Variants in ZNF276 observed in about 807,000 individuals in gnomAD.
ZNF276 encodes centromere protein Z.
A neutral mutation model predicts 63.9 loss-of-function variants in ZNF276; 59 were observed. The ratio of observed to expected loss-of-function variants is 0.92; its 90% CI spans 0.75 to 1.15. The LOEUF is 1.15. Ranked by LOEUF, ZNF276 falls within the 50% of genes most tolerant of loss-of-function variation. ZNF276 has a pLI of 0.00. For missense variants in ZNF276, 1,084 were observed against 843.8 expected, an observed-to-expected ratio of 1.28 and a Z score of -3.53; for synonymous variants, 496 against 348.4, an observed-to-expected ratio of 1.42 and a Z score of -4.72.
At position 89,723,377 on chromosome 16, in the gene ZNF276, G is replaced by A. The variant is rs1460938810; in HGVS notation, c.674G>A (p.Cys225Tyr). The stretch of plus-strand genomic sequence containing the variant: ...CAGAGGACACTGTCCTCCGAGTACT[G>A]CGGCGTCATCCAGGTCGTGTGGGGC... The part of the protein sequence containing the change: ...HLQRTLSSEY[C>Y]GVIQVVWGCD... The change falls in exon 4 of 11, where the codon TGC becomes TAC. Residue 225 changes from cysteine (C) to tyrosine (Y), a missense_variant. Transcript: ENST00000443381. 3 of 1,613,048 alleles carry A rather than the reference G, an allele frequency of 1.9e-6. No homozygotes were observed. Among genetic ancestry groups the A allele is most frequent in the South Asian group, 1.1e-5 (1 of 91,088 alleles).
intron 4 of ZNF276, among the ~76,000 whole-genome samples, chr16:89,724,453 C>G (rs2061406280): frequency 6.6e-6 from 1 of 152,186 alleles, no homozygotes; most frequent in Non-Finnish European, 1.5e-5. Flanking sequence ...TCAAGACCAA[C>G]CTGGCCAACA....
intron 7 of ZNF276, 24 bp from the exon 8 acceptor site, chr16:89,733,457 GC>G: frequency 6.2e-7 from 1 of 1,614,110 alleles, no homozygotes; most frequent in Non-Finnish European, 8.5e-7. Context: ...CGGGGCCGGG[GC>G]TCCATGCATG....
In ZNF276 at chr16:89,738,944, G is replaced by C; in HGVS notation, c.*698G>C. ...GGTATTAACTGCAGCAGAAAAAGAC[G>C]AGCTTTTGTTATCAGTTCCACGGGG... On this transcript the variant is annotated 3_prime_UTR_variant, in exon 11 of 11. Transcript: ENST00000443381. 1 of 1,614,254 alleles carries C rather than the reference G, an allele frequency of 6.2e-7. No homozygotes were observed. The highest frequency in any genetic ancestry group is 8.5e-7 in the Non-Finnish European group (1 of 1,180,052).
Position 89,721,814 on chromosome 16 carries a change from G to A in ZNF276, c.174G>A (p.Gly58=), listed in dbSNP as rs965186761. The change falls in exon 1 of 11, where the codon GGG becomes GGA. Residue 58 remains glycine (G), a synonymous_variant. Coordinates refer to ENST00000443381, the MANE Select transcript of ZNF276 (RefSeq NM_001113525.2). ...CCTGGGGCCCGGTGGGGTCCTGCGGGGACGCGGGCGAGGACGGCGCGGACG... is the reference window on the plus strand; with the variant it reads ...CCTGGGGCCCGGTGGGGTCCTGCGGAGACGCGGGCGAGGACGGCGCGGACG... ...RRAWGPVGSC[G]DAGEDGADEA... 11 of 1,234,266 alleles carry A rather than the reference G, an allele frequency of 8.9e-6. No individual in the cohort carries two copies. Among genetic ancestry groups the A allele is most frequent in the African/African-American group, 3.1e-5 (2 of 63,806 alleles). 76.5% of individuals were successfully genotyped at this position (1,234,266 alleles called of 1,614,324 possible).
rs1473348484 is a variant in ZNF276, at chr16:89,738,489, A to G, written c.*243A>G. 8 of 1,525,794 alleles carry G rather than the reference A, an allele frequency of 5.2e-6. No individual in the cohort carries two copies. In the South Asian group the frequency reaches 5.7e-5, roughly 11 times the overall value. 94.5% of individuals were successfully genotyped at this position (1,525,794 alleles called of 1,614,324 possible). ...TAAATAATTGATTCCTTTCCCCACT[A>G]AAGCAGTCGAGGAGATTTGTAATCC... On this transcript the variant is annotated 3_prime_UTR_variant, in exon 11 of 11. Transcript: ENST00000443381.
At chr16:89,722,430 G>A in intron 1 of ZNF276, 101 bp from the exon 2 acceptor site, 1 of 1,376,158 alleles carries the variant, frequency 7.3e-7, no homozygotes, top group East Asian at 2.3e-5. Context: ...GGAGCCGCGC[G>A]AAGGGCGCTG....
At chr16:89,724,268 G>A (rs1195568106) in intron 4 of ZNF276, among the ~76,000 whole-genome samples, 1 of 152,182 alleles carries the variant, frequency 6.6e-6, no homozygotes, top group Non-Finnish European at 1.5e-5. Flanking sequence ...TGTTTTAGGA[G>A]GGCCAGGGCC....
Position 89,740,793 on chromosome 16 carries a change from G to T in ZNF276, c.*2547G>T. On this transcript the variant is annotated 3_prime_UTR_variant, in exon 11 of 11. Transcript: ENST00000443381. ...GGGAGAGGACACCTTGGCTGGTAAG[G>T]TCTGACTTACATTTGAGGTCAGATG... 1 of 1,612,252 alleles carries T rather than the reference G, an allele frequency of 6.2e-7. No individual in the cohort carries two copies.
At position 89,739,767 on chromosome 16, in the gene ZNF276, G is replaced by A. The variant is rs1039048298; in HGVS notation, c.*1521G>A. The A allele has an allele frequency of 2.7e-6, 4 of 1,477,230 alleles. No homozygotes were observed. The highest frequency in any genetic ancestry group is 3.6e-6 in the Non-Finnish European group (4 of 1,117,582). The allele number at this position is 1,477,230 out of a possible 1,614,324, so 91.5% of individuals were successfully genotyped here. ...CTTGCAGGAGGGTGGGTGTGGTGCA[G>A]AGAGAGGCAGTCCCCATGATAGGCC... On this transcript the variant is annotated 3_prime_UTR_variant, in exon 11 of 11. Transcript: ENST00000443381.
At chr16:89,725,033 C>A (rs955190827) in intron 4 of ZNF276, among the ~76,000 whole-genome samples, 9 of 152,254 alleles carry the variant, frequency 5.9e-5, no homozygotes, top group Admixed American at 3.3e-4. Flanking sequence ...GCTACCTCAG[C>A]CTCCCGAGTA....
chr16:89,736,331 AT>A (rs754681240), intron 9 of ZNF276, among the ~76,000 whole-genome samples: 199 of 134,986 alleles, frequency 1.5e-3, no homozygotes, highest in East Asian at 6.3e-3. Context: ...CCAGCCCCCA[AT>A]TTTTTTTTTT....
chr16:89,730,565 C>T (rs1278553284), intron 6 of ZNF276, among the ~76,000 whole-genome samples: 2 of 152,212 alleles, frequency 1.3e-5, no homozygotes, highest in Admixed American at 1.3e-4. Context: ...ACTAGTCCCT[C>T]TGGGACCCCA....
chr16:89,730,148 A>G (rs1480928147), intron 6 of ZNF276, among the ~76,000 whole-genome samples: 2 of 152,198 alleles, frequency 1.3e-5, no homozygotes, highest in East Asian at 1.9e-4. Flanking sequence ...AAACGGGAGC[A>G]GTGGAGGAGG....
chr16:89,722,114 C>T (rs1283745657), intron 1 of ZNF276, among the ~76,000 whole-genome samples: 1 of 152,130 alleles, frequency 6.6e-6, no homozygotes, highest in East Asian at 1.9e-4. Context: ...GGGCAGGTCG[C>T]CCTGGGGTGC....
At chr16:89,720,493 A>G, upstream of ZNF276, 4 of 1,124,942 alleles carry the variant, frequency 3.6e-6, no homozygotes, top group Non-Finnish European at 4.3e-6. Flanking sequence ...CTCCTGCTAC[A>G]TCTCCTCTAC....
chr16:89,734,136 GGGT>G, intron 9 of ZNF276, 98 bp downstream of exon 9: 2 of 1,188,344 alleles, frequency 1.7e-6, no homozygotes, highest in Non-Finnish European at 2.4e-6. Flanking sequence ...CAAGAGTTGG[GGGT>G]GCGTGAAGGT....
In ZNF276 at chr16:89,740,649, A is replaced by C. The variant is rs563780007; in HGVS notation, c.*2403A>C. On this transcript the variant is annotated 3_prime_UTR_variant, in exon 11 of 11. Transcript: ENST00000443381. ...AGACCCCCATCTCAAAAAAAAAAAA[A>C]AAAAACCCACGGCCTGGGAGTTCTC... The C allele has an allele frequency of 2.0e-5, 13 of 650,386 alleles. No individual in the cohort carries two copies. The highest frequency in any genetic ancestry group is 1.3e-4 in the African/African-American group (7 of 54,126). 40.3% of individuals were successfully genotyped at this position (650,386 alleles called of 1,614,324 possible). A position where few individuals can be genotyped will look rare whatever the true frequency, so the allele number is the denominator to read the frequency against.
At chr16:89,737,480 C>A in intron 9 of ZNF276, 1 of 347,584 alleles carries the variant, frequency 2.9e-6, no homozygotes, top group East Asian at 4.9e-5. Context: ...GAGATCACGC[C>A]ACCGCACTGC....
chr16:89,728,912 C>T lies in ZNF276; in HGVS notation c.1086-323C>T, dbSNP rs149680313. On this transcript the variant is annotated intron_variant, in intron 5 of 10. Coordinates refer to ENST00000443381, the MANE Select transcript of ZNF276 (RefSeq NM_001113525.2). ...GTTCGCAGTTATGGGGTGAGGTGGT[C>T]GATTTCTCAAAGTCTGCTTAGCAGG... is the stretch of plus-strand genomic sequence containing the variant. Among the ~76,000 whole-genome samples the T allele has an allele frequency of 2.5e-3, 384 of 152,274 alleles. 7 individuals are homozygous for T. The highest frequency in any genetic ancestry group is 7.9e-4 in the Non-Finnish European group (54 of 68,034).
Sources: gnomAD v4.1 joint callset for allele counts (sites outside exome capture counted in the v4.1 genomes callset) on GRCh38, gnomAD v4.1.1 for gene constraint, MANE v1.5 for transcripts, NCBI Gene and HGNC (gene_info 2026-07-23, HGNC 2026-07-21) for gene names.